Variants in S100Z observed in about 807,000 individuals in gnomAD.
S100Z encodes protein S100-Z.
S100Z carries 11 observed loss-of-function variants against 8.5 expected under a neutral mutation model. That is an observed-to-expected ratio of 1.30 (90% CI 0.82 to 2.15). The LOEUF is 2.15. S100Z is among the 30% of genes most tolerant of loss of function. The pLI is 0.00. For missense variants in S100Z, 126 were observed against 117.9 expected (o/e 1.07, Z -0.32); for synonymous variants, 34 against 43.8 (o/e 0.78, Z 0.89).
intron 4 of S100Z, among the ~76,000 whole-genome samples, chr5:76,920,123 T>A (rs1684551565): frequency 6.6e-6 from 1 of 152,156 alleles, no homozygotes; most frequent in East Asian, 1.9e-4. Context: ...TTGGCCAGAC[T>A]GGTCTCGAAC....
chr5:76,943,848 A>G, the S100Z span, among the ~76,000 whole-genome samples: 3 of 152,190 alleles, frequency 2.0e-5, no homozygotes, highest in Non-Finnish European at 4.4e-5. Flanking sequence ...CCATTCTATT[A>G]GCCAACACAT....
chr5:76,917,843 A>G (rs1255792302), intron 4 of S100Z, among the ~76,000 whole-genome samples: 3 of 150,542 alleles, frequency 2.0e-5, no homozygotes, highest in African/African-American at 4.9e-5. Flanking sequence ...AAAAATCAGA[A>G]ATTGAATACC....
At chr5:76,952,524 ACTTCTG>A in the S100Z span, among the ~76,000 whole-genome samples, 172 of 152,330 alleles carry the variant, frequency 1.1e-3, no homozygotes, top group African/African-American at 3.7e-3. Flanking sequence ...GCAAAATCAG[ACTTCTG>A]CTTCTGTTCC....
chr5:76,928,208 T>C, the S100Z span, among the ~76,000 whole-genome samples: 1 of 152,096 alleles, frequency 6.6e-6, no homozygotes, highest in African/African-American at 2.4e-5. Context: ...AGCTTTTTGG[T>C]CCTCCACTTG....
chr5:76,929,880 C>T, the S100Z span, among the ~76,000 whole-genome samples: 1 of 152,162 alleles, frequency 6.6e-6, no homozygotes, highest in Non-Finnish European at 1.5e-5. Context: ...AACCCACTTC[C>T]ACAAAAGGAA....
chr5:76,891,954 C>T (rs775555107), intron 4 of S100Z, among the ~76,000 whole-genome samples: 3 of 152,130 alleles, frequency 2.0e-5, no homozygotes, highest in Non-Finnish European at 2.9e-5. Context: ...GCATCAGAGC[C>T]AACTAAGGGT....
chr5:76,905,925 C>T (rs1257680895), intron 4 of S100Z, among the ~76,000 whole-genome samples: 1 of 151,116 alleles, frequency 6.6e-6, no homozygotes, highest in Non-Finnish European at 1.5e-5. Flanking sequence ...ACTTTCTGGG[C>T]TCAAGTGATC....
At chr5:76,860,120 G>A (rs1327864997) in intron 1 of S100Z, among the ~76,000 whole-genome samples, 7 of 152,166 alleles carry the variant, frequency 4.6e-5, no homozygotes. Flanking sequence ...AACTCTGGGT[G>A]GCTCACAGAA....
intron 4 of S100Z, among the ~76,000 whole-genome samples, chr5:76,886,907 G>A (rs1473570442): frequency 1.3e-5 from 2 of 152,156 alleles, no homozygotes; most frequent in Non-Finnish European, 1.5e-5. Context: ...AATGTCATCA[G>A]TTAAGGCTAT....
intron 1 of S100Z, among the ~76,000 whole-genome samples, chr5:76,865,240 CTTTTTTTTTT>C (rs140953492): frequency 1.4e-4 from 14 of 100,636 alleles, no homozygotes; most frequent in Admixed American, 3.2e-4. Context: ...TGTCCTAGCT[CTTTTTTTTTT>C]TTTTTTTTTT....
the S100Z span, among the ~76,000 whole-genome samples, chr5:76,933,360 C>T: frequency 3.3e-5 from 5 of 152,172 alleles, no homozygotes; most frequent in African/African-American, 7.2e-5. Flanking sequence ...TGGAGTGAGA[C>T]GGCCTCTTCG....
chr5:76,903,720 C>CT (rs1259317400), intron 4 of S100Z, among the ~76,000 whole-genome samples: 1 of 146,052 alleles, frequency 6.8e-6, no homozygotes, highest in Non-Finnish European at 1.5e-5. Flanking sequence ...TCTTTGTTTT[C>CT]TTTTTTTGTT....
At chr5:76,892,803 A>C (rs2150662612) in intron 4 of S100Z, among the ~76,000 whole-genome samples, 1 of 152,324 alleles carries the variant, frequency 6.6e-6, no homozygotes, top group South Asian at 2.1e-4. Flanking sequence ...TAGCTCTGTG[A>C]ATCTGCATTT....
intron 1 of S100Z, among the ~76,000 whole-genome samples, chr5:76,863,005 A>G (rs947175082): frequency 6.6e-6 from 1 of 152,124 alleles, no homozygotes; most frequent in Non-Finnish European, 1.5e-5. Flanking sequence ...TCTTTGTTCA[A>G]CACACCATGA....
chr5:76,873,174 A>G (rs1329448544), intron 2 of S100Z, among the ~76,000 whole-genome samples: 1 of 152,130 alleles, frequency 6.6e-6, no homozygotes, highest in Non-Finnish European at 1.5e-5. Context: ...CCACCATGAT[A>G]CTGCCTCCCA....
chr5:76,936,657 AAC>A, the S100Z span, among the ~76,000 whole-genome samples: 614 of 111,932 alleles, frequency 5.5e-3, 9 homozygotes, highest in East Asian at 0.015. Flanking sequence ...ACACACACAC[AAC>A]CATGAAGGAA....
At chr5:76,924,521 G>A (rs796641493), downstream of S100Z, among the ~76,000 whole-genome samples, 1 of 152,136 alleles carries the variant, frequency 6.6e-6, no homozygotes, top group African/African-American at 2.4e-5. Flanking sequence ...TCAGGACCCC[G>A]GAGAAGTTAG....
intron 3 of S100Z, among the ~76,000 whole-genome samples, chr5:76,877,051 C>T (rs528581773): frequency 6.6e-6 from 1 of 152,152 alleles, no homozygotes; most frequent in Admixed American, 6.5e-5. Context: ...AAGTAGGCTG[C>T]CAGATAAAAT....
At chr5:76,929,994 A>G in the S100Z span, among the ~76,000 whole-genome samples, 2 of 152,244 alleles carry the variant, frequency 1.3e-5, no homozygotes, top group South Asian at 4.1e-4. Flanking sequence ...GAATGTTAAT[A>G]AAAACTTCTT....
Sources: allele counts gnomAD v4.1 joint callset (sites outside exome capture counted in the v4.1 genomes callset), GRCh38; gene constraint gnomAD v4.1.1; transcripts MANE v1.5; gene names NCBI Gene and HGNC (gene_info 2026-07-23, HGNC 2026-07-21).